KLHL28: variants seen among roughly 807,000 people sequenced by gnomAD.
KLHL28 encodes kelch like family member 28, also known as kelch-like protein 28.
In KLHL28, 22 loss-of-function variants were observed where a neutral mutation model predicts 48.3. The ratio of observed to expected loss-of-function variants is 0.46; its 90% CI spans 0.33 to 0.65. KLHL28 has a LOEUF of 0.65. KLHL28 is among the 30% of genes least tolerant of loss of function. The pLI is 0.03. For missense variants in KLHL28, 527 were observed against 704.3 expected, an observed-to-expected ratio of 0.75 and a Z score of 2.85; for synonymous variants, 243 against 242.4, an observed-to-expected ratio of 1.00 and a Z score of -0.02.
At chr14:44,930,745 T>C (rs1208111592) in intron 4 of KLHL28, among the ~76,000 whole-genome samples, 1 of 152,220 alleles carries the variant, frequency 6.6e-6, no homozygotes, top group Non-Finnish European at 1.5e-5. Context: ...ATAGGAAATA[T>C]TCAATCTGTA....
chr14:44,953,081 C>A (rs1884654882), intron 1 of KLHL28, among the ~76,000 whole-genome samples: 2 of 151,876 alleles, frequency 1.3e-5, no homozygotes, highest in Non-Finnish European at 2.9e-5. Flanking sequence ...TGTGGATTAA[C>A]AGGATTAAAT....
chr14:44,943,182 A>T (rs543631813), intron 2 of KLHL28, among the ~76,000 whole-genome samples: 64 of 152,320 alleles, frequency 4.2e-4, no homozygotes, highest in Non-Finnish European at 7.2e-4. Context: ...CTGCTCAAAA[A>T]TTTTTACACT....
In KLHL28 at chr14:44,931,451, T is replaced by C; in HGVS notation, c.1434A>G (p.Leu478=). The change falls in exon 4 of 5, where the codon CTA becomes CTG. Residue 478 remains leucine (L), a synonymous_variant. Coordinates refer to ENST00000396128, the MANE Select transcript of KLHL28 (RefSeq NM_017658.5). ...GTCCACCCACCACAAAAATAAAGCCTAGCATGACACCCACGCCAAAGTGAA... is the reference window on the plus strand; with the variant it reads ...GTCCACCCACCACAAAAATAAAGCCCAGCATGACACCCACGCCAAAGTGAA... The part of the protein sequence containing the change: ...KRIHFGVGVM[L]GFIFVVGGHN... 3 of 1,613,992 alleles carry C rather than the reference T, an allele frequency of 1.9e-6. No homozygotes were observed. Among genetic ancestry groups the C allele is most frequent in the Non-Finnish European group, 2.5e-6 (3 of 1,179,908 alleles).
chr14:44,950,433 A>G (rs1884529576), intron 1 of KLHL28, among the ~76,000 whole-genome samples: 1 of 152,210 alleles, frequency 6.6e-6, no homozygotes, highest in Non-Finnish European at 1.5e-5. Context: ...GATAGATCCT[A>G]TATTGTTAAC....
At chr14:44,938,294 T>C (rs994213281) in intron 2 of KLHL28, among the ~76,000 whole-genome samples, 3 of 151,856 alleles carry the variant, frequency 2.0e-5, no homozygotes, top group Non-Finnish European at 4.4e-5. Context: ...ATAGATATTC[T>C]CCTTCCAAAA....
rs182802127 is a variant in KLHL28, at chr14:44,956,259, C to A, written c.-1+5587G>T. On this transcript the variant is annotated intron_variant, in intron 1 of 4. Transcript: ENST00000396128. ...TACAGACATGAGCCACTACACCTGG[C>A]CAAATTTCTCTTTTTAAAAGTATCC... Among the ~76,000 whole-genome samples, 557 of 152,104 alleles carry A rather than the reference C, an allele frequency of 3.7e-3. 3 individuals carry two copies. The highest frequency in any genetic ancestry group is 0.013 in the African/African-American group (539 of 41,492).
At position 44,945,898 on chromosome 14, in the gene KLHL28, C is replaced by T; in HGVS notation, c.31G>A (p.Ala11Thr). MDHTSPTYML[A>T]NLTHLHSEQL... ...TCAGAATGCAAGTGGGTTAAGTTAG[C>T]AAGCATGTAGGTCGGGGATGTGTGG... is the stretch of plus-strand genomic sequence containing the variant. Residue 11 changes from alanine to threonine, a missense_variant, in exon 2 of 5, where the codon GCT becomes ACT. Transcript: ENST00000396128. The T allele has an allele frequency of 1.2e-6, 2 of 1,613,666 alleles. No individual in the cohort carries two copies. Among genetic ancestry groups the T allele is most frequent in the East Asian group, 4.5e-5 (2 of 44,882 alleles).
At chr14:44,948,911 T>C (rs1205493131) in intron 1 of KLHL28, among the ~76,000 whole-genome samples, 4 of 152,148 alleles carry the variant, frequency 2.6e-5, no homozygotes, top group African/African-American at 4.8e-5. Flanking sequence ...ATTATACGTG[T>C]TGCTCTGTAA....
At chr14:44,930,905 T>C (rs1014193276) in intron 4 of KLHL28, among the ~76,000 whole-genome samples, 5 of 152,206 alleles carry the variant, frequency 3.3e-5, no homozygotes, top group African/African-American at 1.2e-4. Flanking sequence ...ACAACCCTTT[T>C]TGATCAACTA....
intron 3 of KLHL28, 107 bp downstream of exon 3, chr14:44,934,008 G>T: frequency 1.3e-6 from 1 of 792,858 alleles, no homozygotes; most frequent in Non-Finnish European, 2.0e-6. Flanking sequence ...TTTCCCAAAT[G>T]CCGGAAGTTC....
rs1451904008 is a variant in KLHL28, at chr14:44,928,778, C to G, written c.*250G>C. 1.8e-5 allele frequency: 5 copies of G among 279,250 alleles called. No homozygotes were observed. Among genetic ancestry groups the G allele is most frequent in the Non-Finnish European group, 3.3e-5 (5 of 151,242 alleles). 17.3% of individuals were successfully genotyped at this position (279,250 alleles called of 1,614,324 possible). ...CATCTCAGTCTTGGGGGAAAAAGTG[C>G]AGAATTCAATTGGCAAAGTCTTTAC... On this transcript the variant is annotated 3_prime_UTR_variant, in exon 5 of 5. Transcript: ENST00000396128.
intron 3 of KLHL28, 48 bp from the exon 4 acceptor site, chr14:44,931,589 C>CT: frequency 6.8e-7 from 1 of 1,463,668 alleles, no homozygotes; most frequent in Non-Finnish European, 9.4e-7. Flanking sequence ...TTGTGTCATT[C>CT]TTCCTGTCAA....
intron 1 of KLHL28, among the ~76,000 whole-genome samples, chr14:44,949,413 A>T (rs1157741483): frequency 6.6e-6 from 1 of 152,136 alleles, no homozygotes; most frequent in East Asian, 1.9e-4. Context: ...AGATATTAGT[A>T]AATAATTTTA....
chr14:44,949,665 A>T (rs1458265186), intron 1 of KLHL28, among the ~76,000 whole-genome samples: 1 of 152,140 alleles, frequency 6.6e-6, no homozygotes, highest in Non-Finnish European at 1.5e-5. Context: ...CACAATAAGG[A>T]TCCTGAAAGA....
At chr14:44,960,987 GTAT>G in intron 1 of KLHL28, 1 of 1,000,098 alleles carries the variant, frequency 1.0e-6, no homozygotes, top group South Asian at 1.4e-5. Context: ...AAAAGTAATA[GTAT>G]TATTCCTTCA....
chr14:44,929,645 T>TG (rs2138577830), intron 4 of KLHL28, among the ~76,000 whole-genome samples: 1 of 152,230 alleles, frequency 6.6e-6, no homozygotes, highest in South Asian at 2.1e-4. Flanking sequence ...CCTGTGGGTA[T>TG]GGGGGGCCTA....
chr14:44,937,089 T>C (rs1218571962), intron 2 of KLHL28, among the ~76,000 whole-genome samples: 1 of 152,118 alleles, frequency 6.6e-6, no homozygotes, highest in East Asian at 1.9e-4. Flanking sequence ...ACCTGTAGGA[T>C]ATGGTTAACT....
rs1271728271 is a variant in KLHL28 at position 44,925,168 on chromosome 14, A to G, written c.*3860T>C. On this transcript the variant is annotated 3_prime_UTR_variant, in exon 5 of 5. Transcript: ENST00000396128. ...TAACTTTTAGACTACAGAGGTTATG[A>G]GGTTATCACAAGTTTACTGAACTTT... 1 of 152,252 alleles carries G rather than the reference A, an allele frequency of 6.6e-6. No homozygotes were observed. The highest frequency in any genetic ancestry group is 6.5e-5 in the Admixed American group (1 of 15,278). The allele number at this position is 152,252 out of a possible 1,614,324, so 9.4% of individuals were successfully genotyped here.
At chr14:44,938,223 G>C (rs1046650483) in intron 2 of KLHL28, among the ~76,000 whole-genome samples, 1 of 152,102 alleles carries the variant, frequency 6.6e-6, no homozygotes, top group Non-Finnish European at 1.5e-5. Context: ...TTCCTGCTGT[G>C]AGCCTGTGAA....
Sources: gnomAD v4.1 joint callset for allele counts (sites outside exome capture counted in the v4.1 genomes callset) on GRCh38, gnomAD v4.1.1 for gene constraint, MANE v1.5 for transcripts, NCBI Gene and HGNC (gene_info 2026-07-23, HGNC 2026-07-21) for gene names.